The following SLC22A23 variants were observed in gnomAD, a reference collection of about 807,000 sequenced individuals.
SLC22A23 encodes solute carrier family 22 member 23.
Under a neutral mutation model 61.0 loss-of-function variants are expected in SLC22A23, and 26 were observed. The observed-to-expected ratio is 0.43, with a 90% confidence interval of 0.31 to 0.59. The LOEUF (loss-of-function observed/expected upper bound fraction) is 0.59, where lower values mean the gene tolerates loss of function less well. Ranked by LOEUF, SLC22A23 falls within the 20% of genes least tolerant of loss-of-function variation. The pLI is 0.11. For synonymous variants in SLC22A23, 430 were observed against 413.9 expected (o/e 1.04, Z -0.47); for missense variants, 796 against 934.7 (o/e 0.85, Z 1.94).
Position 3,298,168 on chromosome 6 carries a change from G to A in SLC22A23, c.1133C>T (p.Ser378Phe). 1 of 1,592,030 alleles carries A rather than the reference G, an allele frequency of 6.3e-7. No individual in the cohort carries two copies. The highest frequency in any genetic ancestry group is 8.5e-7 in the Non-Finnish European group (1 of 1,171,886). ...GAAGTGGAGGATCAGCCTCTTTGCA[G>A]ACTCAAACTGCTGGGTGGCCATTAG... ...RWLMATQQFE[S>F]AKRLILHFTQ... is the part of the protein sequence containing the mutation. The change falls in exon 5 of 10, where the codon TCT (serine) becomes TTT (phenylalanine). Residue 378 changes from serine (S) to phenylalanine (F), a missense_variant. Ser to Phe is a radical substitution (Grantham distance 155, BLOSUM62 -2). Coordinates refer to ENST00000406686, the MANE Select transcript of SLC22A23 (RefSeq NM_015482.2).
chr6:3,321,580 T>TAAAA (rs370975505), intron 4 of SLC22A23, among the ~76,000 whole-genome samples: 47 of 148,696 alleles, frequency 3.2e-4, no homozygotes, highest in African/African-American at 1.0e-3. Context: ...TTTCTAAAAT[T>TAAAA]AAAAAAAAAA....
intron 1 of SLC22A23, among the ~76,000 whole-genome samples, chr6:3,425,486 G>A (rs764415599): frequency 7.2e-5 from 11 of 151,738 alleles, no homozygotes; most frequent in African/African-American, 2.2e-4. Context: ...GGGTTTCACC[G>A]TGTTAGCCAG....
intron 4 of SLC22A23, among the ~76,000 whole-genome samples, chr6:3,316,503 G>C (rs984693136): frequency 6.6e-5 from 10 of 152,220 alleles, no homozygotes; most frequent in Non-Finnish European, 1.2e-4. Flanking sequence ...CCATGAGGGC[G>C]GGACTGTCTG....
At chr6:3,354,905 C>A (rs926178203) in intron 3 of SLC22A23, among the ~76,000 whole-genome samples, 6 of 152,242 alleles carry the variant, frequency 3.9e-5, no homozygotes, top group Admixed American at 3.3e-4. Flanking sequence ...GTAGACAACA[C>A]GCAGAACAGA....
At position 3,414,140 on chromosome 6, in the gene SLC22A23, C is replaced by G. The variant is rs371705607; in HGVS notation, c.758+1612G>C. 6.6e-6 allele frequency among the ~76,000 whole-genome samples: 1 copy of G among 152,072 alleles called. No homozygotes were observed. The highest frequency in any genetic ancestry group is 1.9e-4 in the East Asian group (1 of 5,206). On this transcript the variant is annotated intron_variant, in intron 2 of 9. Transcript: ENST00000406686. This position sits in a 1 kb window ranked among gnomAD's most constrained non-coding sequence, Gnocchi z 5.1. ...TACAGACTGGTTCATTCATAAAAGTCGATTTTTACTTTTCTATTAAATTAT... is the reference window on the plus strand; with the variant it reads ...TACAGACTGGTTCATTCATAAAAGTGGATTTTTACTTTTCTATTAAATTAT...
intron 3 of SLC22A23, among the ~76,000 whole-genome samples, chr6:3,369,928 A>C (rs961215584): frequency 3.3e-5 from 5 of 152,250 alleles, no homozygotes; most frequent in Non-Finnish European, 7.3e-5. Flanking sequence ...CTCCACATTC[A>C]AGAGAAAAAA....
rs1763371766 is a variant in SLC22A23, at chr6:3,327,981, T to C, written c.914-3979A>G. On this transcript the variant is annotated intron_variant, in intron 3 of 9. Transcript: ENST00000406686. The surrounding 1 kb of genome is among the most constrained non-coding windows in gnomAD (Gnocchi z 4.1). ...GTTTCAGATTCTAGAGCATTTCAGA[T>C]TTCAGATGTTCTGATTAGGGATGCC... Among the ~76,000 whole-genome samples, 1 of 152,124 alleles carries C rather than the reference T, an allele frequency of 6.6e-6. No individual in the cohort carries two copies. The highest frequency in any genetic ancestry group is 1.5e-5 in the Non-Finnish European group (1 of 68,032).
intron 4 of SLC22A23, among the ~76,000 whole-genome samples, chr6:3,314,254 C>T (rs1762512543): frequency 6.6e-6 from 1 of 152,208 alleles, no homozygotes; most frequent in African/African-American, 2.4e-5. Flanking sequence ...CAAGTAAATG[C>T]TGCTCTCAGC....
chr6:3,441,833 C>CCCAT (rs538640570), intron 1 of SLC22A23, among the ~76,000 whole-genome samples: 212 of 152,330 alleles, frequency 1.4e-3, no homozygotes, highest in African/African-American at 4.7e-3. Flanking sequence ...CGATCTTCTA[C>CCCAT]CCATCTGTGA....
intron 3 of SLC22A23, among the ~76,000 whole-genome samples, chr6:3,405,550 C>T (rs1255713540): frequency 1.3e-5 from 2 of 152,056 alleles, no homozygotes; most frequent in Non-Finnish European, 2.9e-5. Flanking sequence ...TAGTTGACAT[C>T]GGCAATCTCC....
At chr6:3,444,707 G>T in intron 1 of SLC22A23, 2 of 766,340 alleles carry the variant, frequency 2.6e-6, no homozygotes, top group Non-Finnish European at 3.2e-6. Context: ...GTGGCCCGGT[G>T]ACCTGTTTTG....
intron 4 of SLC22A23, among the ~76,000 whole-genome samples, chr6:3,310,093 TC>T (rs1308557548): frequency 6.6e-6 from 1 of 152,240 alleles, no homozygotes; most frequent in East Asian, 1.9e-4. Context: ...GTGGAACTTT[TC>T]CCCAGTGGTA....
chr6:3,416,387 T>C (rs1407820126), intron 1 of SLC22A23, among the ~76,000 whole-genome samples: 1 of 152,278 alleles, frequency 6.6e-6, no homozygotes, highest in African/African-American at 2.4e-5. Flanking sequence ...TGTTGAAATA[T>C]GAACTTTAAC....
rs1772442178 is a variant in SLC22A23, at chr6:3,457,005, C to G, written c.-446G>C. 6.6e-6 allele frequency: 1 copy of G among 152,120 alleles called. No homozygotes were observed. The highest frequency in any genetic ancestry group is 2.4e-5 in the African/African-American group (1 of 41,314). 9.4% of individuals were successfully genotyped at this position (152,120 alleles called of 1,614,324 possible). A position where few individuals can be genotyped will look rare whatever the true frequency, so the allele number is the denominator to read the frequency against. ...CCCGGGGTGGCCGCGCTGTATTTCT[C>G]CGACTTCGGGCGCCTCCCGGAAGCC... On this transcript the variant is annotated 5_prime_UTR_variant, in exon 1 of 10. Transcript: ENST00000406686.
At chr6:3,434,354 G>A (rs1227146829) in intron 1 of SLC22A23, among the ~76,000 whole-genome samples, 1 of 151,466 alleles carries the variant, frequency 6.6e-6, no homozygotes, top group Non-Finnish European at 1.5e-5. Flanking sequence ...GGTGGCTTAT[G>A]CCTGCAATCC....
intron 9 of SLC22A23, among the ~76,000 whole-genome samples, chr6:3,280,212 C>T (rs998371830): frequency 7.2e-5 from 11 of 152,340 alleles, no homozygotes; most frequent in African/African-American, 1.4e-4. Context: ...TCTCCACCCC[C>T]GCCTAACAAG....
intron 3 of SLC22A23, among the ~76,000 whole-genome samples, chr6:3,398,622 C>T (rs1768174124): frequency 6.6e-6 from 1 of 151,872 alleles, no homozygotes; most frequent in African/African-American, 2.4e-5. Flanking sequence ...GGAACACTGC[C>T]CTGAAGTGGA....
rs1767574903 is a variant in SLC22A23, at chr6:3,390,142, C to T, written c.913+20046G>A. On this transcript the variant is annotated intron_variant, in intron 3 of 9. Coordinates refer to ENST00000406686, the MANE Select transcript of SLC22A23 (RefSeq NM_015482.2). The surrounding 1 kb of genome is among the most constrained non-coding windows in gnomAD (Gnocchi z 4.0). Reference sequence around the variant, plus strand: ...CGGAACAGCAACCAGCGGTGAGCCACAGTCAGGAAAAGGAATGAGGCTCTC... The same window carrying T: ...CGGAACAGCAACCAGCGGTGAGCCATAGTCAGGAAAAGGAATGAGGCTCTC... Among the ~76,000 whole-genome samples the T allele has an allele frequency of 6.6e-6, 1 of 152,118 alleles. No individual in the cohort carries two copies. The highest frequency in any genetic ancestry group is 2.1e-4 in the South Asian group (1 of 4,822).
intron 9 of SLC22A23, chr6:3,282,362 C>T: frequency 4.3e-6 from 3 of 699,744 alleles, no homozygotes; most frequent in South Asian, 3.0e-5. Context: ...TGTGCTTAAT[C>T]ATACAATGCC....
Sources: gnomAD v4.1 joint callset for allele counts (sites outside exome capture counted in the v4.1 genomes callset) on GRCh38, gnomAD v4.1.1 for gene constraint, Gnocchi (gnomAD v3.1) non-coding constraint, MANE v1.5 for transcripts, NCBI Gene and HGNC (gene_info 2026-07-23, HGNC 2026-07-21) for gene names.